SYT14: variants seen among roughly 807,000 people sequenced by gnomAD.
The protein encoded by SYT14 is synaptotagmin 14, also known as synaptotagmin-14.
In SYT14, 32 loss-of-function variants were observed where a neutral mutation model predicts 74.2. The observed-to-expected ratio is 0.43, with a 90% CI of 0.33 to 0.58. The LOEUF is 0.58. SYT14 is among the 20% of genes least tolerant of loss of function. SYT14 has a pLI of 0.05. For synonymous variants in SYT14, 298 were observed against 337.7 expected (o/e 0.88, Z 1.29); for missense variants, 791 against 981.8 (o/e 0.81, Z 2.60).
chr1:209,992,684 T>C (rs139526488), intron 2 of SYT14, among the ~76,000 whole-genome samples: 2 of 91,284 alleles, frequency 2.2e-5, no homozygotes, highest in African/African-American at 6.9e-5. Flanking sequence ...AAAAAACAAA[T>C]AAATAAAAGG....
chr1:209,966,836 A>G (rs1426027981), intron 2 of SYT14, among the ~76,000 whole-genome samples: 1 of 151,940 alleles, frequency 6.6e-6, no homozygotes, highest in Non-Finnish European at 1.5e-5. Context: ...GCCTTATTTC[A>G]CTGACTAGAA....
intron 7 of SYT14, among the ~76,000 whole-genome samples, chr1:210,110,851 TC>T (rs1233857245): frequency 6.6e-6 from 1 of 152,150 alleles, no homozygotes; most frequent in Non-Finnish European, 1.5e-5. Context: ...TTCAAGCAAT[TC>T]TCCTGCCTCA....
chr1:210,127,010 T>C (rs1572347354), intron 7 of SYT14, among the ~76,000 whole-genome samples: 2 of 152,126 alleles, frequency 1.3e-5, no homozygotes, highest in Non-Finnish European at 2.9e-5. Flanking sequence ...TCTATGGCTG[T>C]TGAGTGGGCA....
At chr1:210,105,821 A>G (rs1404106610) in intron 7 of SYT14, among the ~76,000 whole-genome samples, 1 of 151,960 alleles carries the variant, frequency 6.6e-6, no homozygotes, top group Non-Finnish European at 1.5e-5. Flanking sequence ...ATGAGATCTG[A>G]TTGTTTAAAG....
At chr1:209,973,800 T>C (rs945655986) in intron 2 of SYT14, among the ~76,000 whole-genome samples, 37 of 152,238 alleles carry the variant, frequency 2.4e-4, no homozygotes, top group African/African-American at 8.4e-4. Context: ...ACTTCTAGAA[T>C]GGTTGAACCA....
chr1:210,096,381 G>A (rs2081966972), intron 6 of SYT14, among the ~76,000 whole-genome samples: 1 of 152,218 alleles, frequency 6.6e-6, no homozygotes, highest in Non-Finnish European at 1.5e-5. Flanking sequence ...ATGTGTGTGT[G>A]TGAGAGAGAG....
chr1:210,050,634 A>C (rs1271773641), intron 5 of SYT14, among the ~76,000 whole-genome samples: 1 of 152,204 alleles, frequency 6.6e-6, no homozygotes, highest in African/African-American at 2.4e-5. Flanking sequence ...GGTTTATTGG[A>C]CGTACAGTAT....
intron 5 of SYT14, among the ~76,000 whole-genome samples, chr1:210,030,887 A>T (rs534265571): frequency 6.7e-6 from 1 of 149,830 alleles, no homozygotes; most frequent in Non-Finnish European, 1.5e-5. Flanking sequence ...AAAACTAATT[A>T]GTATGGGAAG....
chr1:210,163,008 G>A (rs376374941), exon 10 of SYT14: 69 of 453,416 alleles, frequency 1.5e-4, no homozygotes, highest in African/African-American at 1.2e-3. Context: ...TTCAGCAACA[G>A]TATGAAAAAA....
intron 4 of SYT14, among the ~76,000 whole-genome samples, chr1:210,020,179 G>A (rs532670020): frequency 6.6e-6 from 1 of 152,134 alleles, no homozygotes; most frequent in Admixed American, 6.5e-5. Flanking sequence ...ACATGATATT[G>A]TAGTTATTCT....
At chr1:210,115,611 G>C (rs936295319) in intron 7 of SYT14, among the ~76,000 whole-genome samples, 1 of 151,350 alleles carries the variant, frequency 6.6e-6, no homozygotes, top group Non-Finnish European at 1.5e-5. Flanking sequence ...AGAAGGGAGA[G>C]ATTGAAGGAT....
chr1:210,001,268 T>C (rs2079895378), intron 2 of SYT14, among the ~76,000 whole-genome samples: 1 of 152,134 alleles, frequency 6.6e-6, no homozygotes, highest in Non-Finnish European at 1.5e-5. Flanking sequence ...TTTTTAATTA[T>C]AGGTTGCTAT....
At chr1:209,949,102 T>A (rs1200809969) in intron 1 of SYT14, among the ~76,000 whole-genome samples, 1 of 152,202 alleles carries the variant, frequency 6.6e-6, no homozygotes, top group East Asian at 1.9e-4. Flanking sequence ...CTTTTCAGAT[T>A]TACTTTTCAA....
chr1:210,057,701 C>A (rs1190283684), intron 5 of SYT14, among the ~76,000 whole-genome samples: 1 of 152,152 alleles, frequency 6.6e-6, no homozygotes, highest in Non-Finnish European at 1.5e-5. Context: ...ATTTGGACTT[C>A]TTGAGTTTCT....
intron 2 of SYT14, among the ~76,000 whole-genome samples, chr1:210,000,466 G>GCGCACA (rs1553264180): frequency 0.013 from 1,928 of 143,164 alleles, 16 homozygotes; most frequent in Middle Eastern, 0.024. Context: ...GTCCTCATAC[G>GCGCACA]CACACACACA....
chr1:210,040,104 G>T (rs1572199111), intron 5 of SYT14, among the ~76,000 whole-genome samples: 1 of 152,142 alleles, frequency 6.6e-6, no homozygotes, highest in South Asian at 2.1e-4. Context: ...CAATAGCAAA[G>T]ACTTGGAACC....
At chr1:210,017,845 C>T (rs1338916700) in intron 4 of SYT14, among the ~76,000 whole-genome samples, 1 of 152,138 alleles carries the variant, frequency 6.6e-6, no homozygotes, top group East Asian at 1.9e-4. Context: ...CCACTTATTG[C>T]TGATCTGATC....
intron 7 of SYT14, among the ~76,000 whole-genome samples, chr1:210,115,343 C>G (rs978734133): frequency 6.7e-6 from 1 of 150,168 alleles, no homozygotes; most frequent in Non-Finnish European, 1.5e-5. Context: ...GGTAGAGACA[C>G]AGAGAGAAGG....
intron 5 of SYT14, among the ~76,000 whole-genome samples, chr1:210,035,049 C>T (rs2080629615): frequency 6.6e-6 from 1 of 151,900 alleles, no homozygotes; most frequent in Non-Finnish European, 1.5e-5. Context: ...CAGAAATCTA[C>T]ATACTGTTTT....
Sources: allele counts gnomAD v4.1 joint callset (sites outside exome capture counted in the v4.1 genomes callset), GRCh38; gene constraint gnomAD v4.1.1; transcripts MANE v1.5; gene names NCBI Gene and HGNC (gene_info 2026-07-23, HGNC 2026-07-21).